Variants in ADAM10 observed in about 807,000 individuals in gnomAD.
The protein encoded by ADAM10 is ADAM metallopeptidase domain 10.
A neutral mutation model predicts 90.1 loss-of-function variants in ADAM10; 17 were observed. The ratio of observed to expected loss-of-function variants is 0.19; its 90% confidence interval spans 0.13 to 0.28. The LOEUF (loss-of-function observed/expected upper bound fraction) is 0.28, where lower values mean the gene tolerates loss of function less well. ADAM10 is among the 10% of genes least tolerant of loss of function. ADAM10 has a pLI of 1.00. For synonymous variants in ADAM10, 310 were observed against 298.6 expected, an observed-to-expected ratio of 1.04 and a Z score of -0.40; for missense variants, 610 against 914.3, an observed-to-expected ratio of 0.67 and a Z score of 4.29.
chr15:58,651,859 C>G (rs1333239330), intron 5 of ADAM10, among the ~76,000 whole-genome samples: 1 of 152,138 alleles, frequency 6.6e-6, no homozygotes. Flanking sequence ...ATTTGCATTC[C>G]CACCAACAGT....
intron 7 of ADAM10, 96 bp downstream of exon 7, chr15:58,643,790 T>C (rs1896476150): frequency 2.0e-6 from 2 of 1,021,314 alleles, no homozygotes; most frequent in Non-Finnish European, 3.1e-6. Context: ...ACTTAATTCA[T>C]AAAGATAAAA....
chr15:58,740,136 G>C (rs866700920), intron 1 of ADAM10, among the ~76,000 whole-genome samples: 3 of 138,188 alleles, frequency 2.2e-5, no homozygotes, highest in African/African-American at 7.0e-5. Flanking sequence ...ATCAAAGCTC[G>C]GCATGGTGGC....
At position 58,643,871 on chromosome 15, in the gene ADAM10, A is replaced by AT; in HGVS notation, c.828+14dup. The AT allele has an allele frequency of 6.3e-7, 1 of 1,585,016 alleles. No individual in the cohort carries two copies. The highest frequency in any genetic ancestry group is 8.7e-7 in the Non-Finnish European group (1 of 1,153,562). On this transcript the variant is annotated intron_variant, in intron 7 of 15. Transcript: ENST00000260408. ...TTTCACTTTTTAAGTGTTTTTAACTATTTAAGTTCCTTACTCTTATGCGTT... is the reference window on the plus strand; with the variant it reads ...TTTCACTTTTTAAGTGTTTTTAACTATTTTAAGTTCCTTACTCTTATGCGTT...
chr15:58,725,049 C>T (rs1415642892), intron 1 of ADAM10, among the ~76,000 whole-genome samples: 2 of 151,736 alleles, frequency 1.3e-5, no homozygotes, highest in Non-Finnish European at 2.9e-5. Context: ...ACTAGCTGGG[C>T]ACAGTGGCAC....
intron 4 of ADAM10, among the ~76,000 whole-genome samples, chr15:58,668,401 G>A (rs1263031687): frequency 6.6e-6 from 1 of 152,138 alleles, no homozygotes; most frequent in Non-Finnish European, 1.5e-5. Context: ...GCTATACACA[G>A]GGGTGAATGG....
At chr15:58,718,511 A>G (rs182459809) in intron 1 of ADAM10, among the ~76,000 whole-genome samples, 78 of 152,202 alleles carry the variant, frequency 5.1e-4, no homozygotes, top group African/African-American at 1.7e-3. Context: ...CTCTTCTTCA[A>G]TTCTCTGGAC....
chr15:58,711,187 T>C (rs1360693026), intron 2 of ADAM10, among the ~76,000 whole-genome samples: 2 of 152,328 alleles, frequency 1.3e-5, no homozygotes, highest in Non-Finnish European at 2.9e-5. Context: ...CAAACAATTA[T>C]ATTGCACTTA....
intron 5 of ADAM10, among the ~76,000 whole-genome samples, chr15:58,652,562 T>C (rs1157511130): frequency 6.6e-6 from 1 of 152,188 alleles, no homozygotes; most frequent in African/African-American, 2.4e-5. Flanking sequence ...TATCAATTTG[T>C]TTCTGAGGTC....
chr15:58,603,675 T>C (rs142803354), intron 14 of ADAM10, among the ~76,000 whole-genome samples: 1 of 152,194 alleles, frequency 6.6e-6, no homozygotes, highest in East Asian at 1.9e-4. Flanking sequence ...CTTCTTCGAA[T>C]GCTTCCCACC....
chr15:58,611,344 A>G (rs557360198), intron 12 of ADAM10: 1 of 498,610 alleles, frequency 2.0e-6, no homozygotes. Context: ...ACTTAAAAAA[A>G]TGAAATAAAA....
chr15:58,655,859 G>C (rs1290711595), intron 5 of ADAM10, among the ~76,000 whole-genome samples: 1 of 144,764 alleles, frequency 6.9e-6, no homozygotes, highest in Non-Finnish European at 1.5e-5. Context: ...TGATTCTCCT[G>C]CCTCAGCCTC....
At chr15:58,719,318 C>G (rs530466126) in intron 1 of ADAM10, among the ~76,000 whole-genome samples, 1 of 150,038 alleles carries the variant, frequency 6.7e-6, no homozygotes, top group South Asian at 2.1e-4. Flanking sequence ...AAGTGAAATT[C>G]CGTCTCAAAG....
At chr15:58,616,452 T>C (rs1210921987) in intron 11 of ADAM10, among the ~76,000 whole-genome samples, 4 of 152,088 alleles carry the variant, frequency 2.6e-5, no homozygotes, top group Non-Finnish European at 4.4e-5. Flanking sequence ...CACAACAGAA[T>C]GAAACTAGAG....
At chr15:58,609,762 A>G (rs567952043) in intron 14 of ADAM10, 7 of 157,514 alleles carry the variant, frequency 4.4e-5, no homozygotes, top group Admixed American at 1.2e-4. Context: ...CAACTTGGAG[A>G]TATGTGGGCT....
At chr15:58,686,449 G>C (rs1211974210) in intron 2 of ADAM10, 4 of 1,390,686 alleles carry the variant, frequency 2.9e-6, no homozygotes, top group Non-Finnish European at 4.0e-6. Flanking sequence ...TGCAGTGCCT[G>C]GTGGAGCAGC....
intron 4 of ADAM10, among the ~76,000 whole-genome samples, chr15:58,670,583 G>A (rs542572027): frequency 6.6e-6 from 1 of 152,182 alleles, no homozygotes; most frequent in South Asian, 2.1e-4. Flanking sequence ...GTAGAGCTAT[G>A]TTTATTGACA....
chr15:58,731,273 T>C (rs1325657397), intron 1 of ADAM10, among the ~76,000 whole-genome samples: 1 of 152,112 alleles, frequency 6.6e-6, no homozygotes, highest in Non-Finnish European at 1.5e-5. Context: ...TCCACACAAA[T>C]GAAGTGCTGG....
At chr15:58,710,085 C>A (rs1898426465) in intron 2 of ADAM10, among the ~76,000 whole-genome samples, 1 of 152,022 alleles carries the variant, frequency 6.6e-6, no homozygotes, top group Non-Finnish European at 1.5e-5. Flanking sequence ...CGAGACCATC[C>A]CGGCCAACAT....
intron 5 of ADAM10, among the ~76,000 whole-genome samples, chr15:58,659,344 G>C (rs1896914077): frequency 6.6e-6 from 1 of 152,024 alleles, no homozygotes; most frequent in Admixed American, 6.6e-5. Context: ...TTTTAAGCAT[G>C]GTATCAGCTG....
Sources: allele counts gnomAD v4.1 joint callset (sites outside exome capture counted in the v4.1 genomes callset), GRCh38; gene constraint gnomAD v4.1.1; transcripts MANE v1.5; gene names NCBI Gene and HGNC (gene_info 2026-07-23, HGNC 2026-07-21).